Variants in C19orf38 observed in about 807,000 individuals in gnomAD.
The protein encoded by C19orf38 is chromosome 19 open reading frame 38, also known as protein HIDE1.
A neutral mutation model predicts 26.6 loss-of-function variants in C19orf38; 14 were observed. That is an observed-to-expected ratio of 0.53 (90% CI 0.35 to 0.82). The LOEUF (loss-of-function observed/expected upper bound fraction) is 0.82, where lower values mean the gene tolerates loss of function less well. Among genes scored for constraint, C19orf38 ranks in the 40% least tolerant of loss-of-function variants. C19orf38 has a pLI of 0.01. For synonymous variants in C19orf38, 132 were observed against 128.5 expected (o/e 1.03, Z -0.18); for missense variants, 261 against 299.5 (o/e 0.87, Z 0.95).
At chr19:10,865,445 C>G (rs1487383272) in intron 6 of C19orf38, among the ~76,000 whole-genome samples, 1 of 152,000 alleles carries the variant, frequency 6.6e-6, no homozygotes, top group African/African-American at 2.4e-5. Flanking sequence ...CCATGCCCGG[C>G]CTTTTATTTG....
chr19:10,843,759 G>A (rs553517158), upstream of C19orf38, among the ~76,000 whole-genome samples: 333 of 152,218 alleles, frequency 2.2e-3, 2 homozygotes, highest in African/African-American at 7.1e-3. Context: ...TGGGAGACAC[G>A]GGACACTGCA....
At chr19:10,864,083 C>T (rs1362063028) in intron 6 of C19orf38, among the ~76,000 whole-genome samples, 3 of 151,920 alleles carry the variant, frequency 2.0e-5, no homozygotes, top group African/African-American at 4.8e-5. Flanking sequence ...TTTTTCAAGA[C>T]AGAGTCTAGC....
chr19:10,838,867 C>T (rs778063259), intron 1 of C19orf38, among the ~76,000 whole-genome samples: 2 of 151,582 alleles, frequency 1.3e-5, no homozygotes, highest in Non-Finnish European at 2.9e-5. Flanking sequence ...ATTATGCAGC[C>T]GGGGTCTCTA....
At chr19:10,838,342 G>A (rs1404772644) in intron 1 of C19orf38, among the ~76,000 whole-genome samples, 35 of 152,302 alleles carry the variant, frequency 2.3e-4, no homozygotes, top group Non-Finnish European at 7.4e-5. Flanking sequence ...CCTGGGAAGC[G>A]GAGCTTGCAG....
chr19:10,855,002 T>G (rs1162590560), intron 2 of C19orf38, among the ~76,000 whole-genome samples: 2 of 151,612 alleles, frequency 1.3e-5, no homozygotes, highest in Non-Finnish European at 1.5e-5. Context: ...GGAGGCAAGA[T>G]TGTGCCCTGA....
intron 1 of C19orf38, among the ~76,000 whole-genome samples, chr19:10,840,394 A>G (rs2073470157): frequency 6.6e-6 from 1 of 152,132 alleles, no homozygotes; most frequent in Non-Finnish European, 1.5e-5. Flanking sequence ...TGCAATCTCC[A>G]TCTCCCAAGT....
At chr19:10,846,204 G>GT (rs961214146), upstream of C19orf38, among the ~76,000 whole-genome samples, 112 of 146,120 alleles carry the variant, frequency 7.7e-4, no homozygotes, top group Middle Eastern at 6.9e-3. Context: ...TTTTTTTGTT[G>GT]TTTTTTTTTT....
At chr19:10,853,087 G>T (rs2073589225) in intron 2 of C19orf38, among the ~76,000 whole-genome samples, 1 of 151,512 alleles carries the variant, frequency 6.6e-6, no homozygotes, top group Non-Finnish European at 1.5e-5. Flanking sequence ...TTTTAGATAG[G>T]GGTCTTGCTT....
At chr19:10,843,411 G>C (rs1171704516) in intron 1 of C19orf38, among the ~76,000 whole-genome samples, 1 of 152,190 alleles carries the variant, frequency 6.6e-6, no homozygotes, top group African/African-American at 2.4e-5. Flanking sequence ...ATATCAATCA[G>C]AAGGCTTCCC....
At chr19:10,843,147 G>A (rs116391193) in intron 1 of C19orf38, among the ~76,000 whole-genome samples, 2,567 of 152,244 alleles carry the variant, frequency 0.017, 76 homozygotes, top group African/African-American at 0.059. Flanking sequence ...AGGTTAAAGC[G>A]AAGACACCAC....
At chr19:10,858,770 A>G (rs1287044093) in intron 4 of C19orf38, among the ~76,000 whole-genome samples, 1 of 152,006 alleles carries the variant, frequency 6.6e-6, no homozygotes, top group East Asian at 1.9e-4. Context: ...ACTGTAGGTG[A>G]TGGCCCAGGT....
At chr19:10,841,185 CTT>C (rs2073475192) in intron 1 of C19orf38, among the ~76,000 whole-genome samples, 1 of 152,052 alleles carries the variant, frequency 6.6e-6, no homozygotes, top group South Asian at 2.1e-4. Context: ...AACAAAAAAA[CTT>C]CTCTAGCTGG....
At chr19:10,837,669 G>A (rs1021920231) in intron 1 of C19orf38, among the ~76,000 whole-genome samples, 19 of 151,148 alleles carry the variant, frequency 1.3e-4, no homozygotes, top group Non-Finnish European at 2.5e-4. Flanking sequence ...CACCACACCT[G>A]GCTAATTTTT....
chr19:10,849,871 T>C lies in C19orf38; in HGVS notation c.32-388T>C, dbSNP rs576936500. Among the ~76,000 whole-genome samples, 699 of 149,884 alleles carry C rather than the reference T, an allele frequency of 4.7e-3. 3 individuals are homozygous for C. Among genetic ancestry groups the C allele is most frequent in the African/African-American group, 0.014 (567 of 40,916 alleles). On this transcript the variant is annotated intron_variant, in intron 1 of 6. Coordinates refer to ENST00000397820, the MANE Select transcript of C19orf38 (RefSeq NM_001136482.3). ...CACGAGGCCAGGAGTTCGAGACCAG[T>C]CTGGCCAATATAGTGAAACCCCATC... is the stretch of plus-strand genomic sequence containing the variant.
upstream of C19orf38, among the ~76,000 whole-genome samples, chr19:10,844,142 C>A (rs1272578611): frequency 6.6e-6 from 1 of 151,374 alleles, no homozygotes; most frequent in Non-Finnish European, 1.5e-5. Context: ...CACGGTGGCT[C>A]ACGCCTGTAA....
chr19:10,847,530 C>T (rs145809529), upstream of C19orf38, among the ~76,000 whole-genome samples: 6 of 152,092 alleles, frequency 3.9e-5, no homozygotes, highest in East Asian at 1.9e-4. Flanking sequence ...TGTGCCACCA[C>T]GCCCGGCTAA....
At chr19:10,860,947 A>C (rs2073692277) in intron 5 of C19orf38, among the ~76,000 whole-genome samples, 1 of 151,710 alleles carries the variant, frequency 6.6e-6, no homozygotes, top group Non-Finnish European at 1.5e-5. Context: ...GATCGAGACC[A>C]TCCTGGCCAA....
chr19:10,845,625 A>T (rs1433064687), upstream of C19orf38, among the ~76,000 whole-genome samples: 1 of 152,176 alleles, frequency 6.6e-6, no homozygotes, highest in Non-Finnish European at 1.5e-5. Context: ...CACGCCTGTA[A>T]TCCCAGCACT....
chr19:10,840,250 A>G (rs1369347942), intron 1 of C19orf38, among the ~76,000 whole-genome samples: 2 of 152,130 alleles, frequency 1.3e-5, no homozygotes, highest in African/African-American at 4.8e-5. Context: ...ACTGTTTTCC[A>G]TTCCCACCAA....
Sources: gnomAD v4.1 joint callset for allele counts (sites outside exome capture counted in the v4.1 genomes callset) on GRCh38, gnomAD v4.1.1 for gene constraint, MANE v1.5 for transcripts, NCBI Gene and HGNC (gene_info 2026-07-23, HGNC 2026-07-21) for gene names.